CHRNA1: variants seen among roughly 807,000 people sequenced by gnomAD.
CHRNA1 encodes the protein cholinergic receptor nicotinic alpha 1 subunit, also known as acetylcholine receptor subunit alpha.
A neutral mutation model predicts 47.1 loss-of-function variants in CHRNA1; 35 were observed. That is an observed-to-expected ratio of 0.74 (90% CI 0.57 to 0.99). The LOEUF (loss-of-function observed/expected upper bound fraction) is 0.99. Among genes scored for constraint, CHRNA1 ranks in the 50% least tolerant of loss-of-function variants. The pLI, the probability that CHRNA1 is intolerant of heterozygous loss-of-function variation, is 0.00. For synonymous variants in CHRNA1, 229 were observed against 223.6 expected, an observed-to-expected ratio of 1.02 and a Z score of -0.22; for missense variants, 506 against 591.1, an observed-to-expected ratio of 0.86 and a Z score of 1.49.
rs1441469805 is a variant in CHRNA1, at chr2:174,753,880, T to C, written c.541-140A>G. On this transcript the variant is annotated intron_variant, in intron 5 of 8. Coordinates refer to ENST00000348749, the MANE Select transcript of CHRNA1 (RefSeq NM_000079.4). ...GGAGGGACTGTGGGACACTACTGCT[T>C]TGGGGTCTTAGATGCCTTTCCTATG... is the stretch of plus-strand genomic sequence containing the variant. 3.2e-5 allele frequency: 27 copies of C among 840,738 alleles called. No homozygotes were observed. In the East Asian group the frequency reaches 7.1e-4, roughly 22 times the overall value. 52.1% of individuals were successfully genotyped at this position (840,738 alleles called of 1,614,324 possible).
intron 4 of CHRNA1, among the ~76,000 whole-genome samples, chr2:174,756,437 G>A (rs1207134260): frequency 7.9e-5 from 12 of 152,088 alleles, no homozygotes; most frequent in African/African-American, 2.9e-4. Context: ...GGAAAACTAT[G>A]TGGCATTGGA....
intron 6 of CHRNA1, 68 bp downstream of exon 6, chr2:174,753,435 G>A: frequency 7.1e-7 from 1 of 1,418,292 alleles, no homozygotes; most frequent in South Asian, 1.1e-5. Flanking sequence ...GATTATTTCT[G>A]GCTTCCCCAA....
intron 4 of CHRNA1, 91 bp from the exon 5 acceptor site, chr2:174,754,505 TATTCAG>T: frequency 9.4e-7 from 1 of 1,068,696 alleles, no homozygotes; most frequent in East Asian, 2.4e-5. Flanking sequence ...AGCTGTTAAT[TATTCAG>T]GTGCTAATTA....
chr2:174,752,607 T>C (rs1337459178), intron 6 of CHRNA1: 1 of 152,236 alleles, frequency 6.6e-6, no homozygotes, highest in Non-Finnish European at 1.5e-5. Flanking sequence ...ATGCAGTCAC[T>C]GGAACATGCA....
Position 174,756,224 on chromosome 2 carries a change from C to T in CHRNA1, c.344+1342G>A, listed in dbSNP as rs116714081. On this transcript the variant is annotated intron_variant, in intron 4 of 8. Transcript: ENST00000348749. ...ATTTCTGCCGGCCTTATTCAGTGGA[C>T]TACTTACTCTTCCCGTAAACAGCAG... Among the ~76,000 whole-genome samples the T allele has an allele frequency of 6.5e-3, 987 of 152,264 alleles. 10 individuals carry two copies. Among genetic ancestry groups the T allele is most frequent in the African/African-American group, 0.023 (941 of 41,546 alleles).
chr2:174,753,182 A>G, intron 6 of CHRNA1: 1 of 585,716 alleles, frequency 1.7e-6, no homozygotes, highest in Admixed American at 2.9e-5. Flanking sequence ...CACATGCCTT[A>G]CCCAGTACAC....
chr2:174,758,052 G>C, intron 3 of CHRNA1: 1 of 1,613,910 alleles, frequency 6.2e-7, no homozygotes, highest in Non-Finnish European at 8.5e-7. Context: ...GAAAGACCTA[G>C]TGTGAACGTT....
rs373005571 is a variant in CHRNA1, at chr2:174,750,036, G to A, written c.912C>T (p.Phe304=). The stretch of plus-strand genomic sequence containing the variant: ...CAGTGATGATGATGGAGGCAATGAC[G>A]AACACCATGGTGAACAGCATGTATT... ...IGKYMLFTMV[F]VIASIIITVI... The change falls in exon 7 of 9, where the codon TTC becomes TTT. Residue 304 remains phenylalanine, a synonymous_variant. Transcript: ENST00000348749. 6.4e-5 allele frequency: 104 copies of A among 1,613,970 alleles called. No individual in the cohort carries two copies. The highest frequency in any genetic ancestry group is 8.1e-5 in the Non-Finnish European group (96 of 1,180,036).
chr2:174,764,286 T>C (rs746480449), intron 1 of CHRNA1, 66 bp downstream of exon 1: 46 of 1,534,880 alleles, frequency 3.0e-5, no homozygotes, highest in Non-Finnish European at 4.1e-5. Context: ...AGACTTTGAT[T>C]TGGGGGCCTC....
rs1280445493 is a variant in CHRNA1, at chr2:174,754,372, G to A, written c.387C>T (p.Leu129=). 3 of 1,614,130 alleles carry A rather than the reference G, an allele frequency of 1.9e-6. No homozygotes were observed. In the Admixed American group the frequency reaches 5.0e-5, roughly 27 times the overall value. ...ACGTGATGTGGCCAGTGTACTGCAGGAGCACTTTGGTGAACTTGACAATAG... is the reference window on the plus strand; with the variant it reads ...ACGTGATGTGGCCAGTGTACTGCAGAAGCACTTTGGTGAACTTGACAATAG... The part of the protein sequence containing the change: ...DFAIVKFTKV[L]LQYTGHITWT... Residue 129 remains leucine, a synonymous_variant, in exon 5 of 9, where the codon CTC becomes CTT. Transcript: ENST00000348749.
rs150110639 is a variant in CHRNA1 at position 174,749,993 on chromosome 2, G to A, written c.955C>T (p.His319Tyr). 9.9e-6 allele frequency: 16 copies of A among 1,614,044 alleles called. No homozygotes were observed. In the African/African-American group the frequency reaches 1.5e-4, roughly 15 times the overall value. ...IIITVIVINT[H>Y]HRSPSTHVMP... ...ACATGGGTGCTGGGTGAGCGGTGGT[G>A]TGTGTTGATGACGATGACAGTGATG... The change falls in exon 7 of 9, where the codon CAC becomes TAC. Residue 319 changes from histidine (H) to tyrosine (Y), a missense_variant. Transcript: ENST00000348749.
intron 3 of CHRNA1, chr2:174,758,030 C>A: frequency 6.2e-7 from 1 of 1,614,030 alleles, no homozygotes; most frequent in Non-Finnish European, 8.5e-7. Context: ...CCTGTCCACC[C>A]ACAGAAAAGG....
At chr2:174,762,612 T>C (rs1684120853) in intron 1 of CHRNA1, among the ~76,000 whole-genome samples, 1 of 152,162 alleles carries the variant, frequency 6.6e-6, no homozygotes, top group South Asian at 2.1e-4. Context: ...AGTTGGAAAG[T>C]GATATGCCGT....
chr2:174,764,328 C>G, intron 1 of CHRNA1, 24 bp downstream of exon 1: 1 of 1,611,112 alleles, frequency 6.2e-7, no homozygotes. Flanking sequence ...GAGCCCTCTC[C>G]CCACCCCTGA....
At chr2:174,754,481 C>A in intron 4 of CHRNA1, 67 bp from the exon 5 acceptor site, 1 of 1,394,246 alleles carries the variant, frequency 7.2e-7, no homozygotes, top group Non-Finnish European at 1.0e-6. Context: ...TGCTTGGGGA[C>A]GTTAACAGGA....
intron 3 of CHRNA1, 61 bp from the exon 4 acceptor site, chr2:174,757,736 A>C: frequency 7.0e-7 from 1 of 1,427,130 alleles, no homozygotes; most frequent in Non-Finnish European, 9.9e-7. Context: ...ATCTAAGGTT[A>C]TCAAGAGCCC....
rs199620699 is a variant in CHRNA1 at position 174,757,319 on chromosome 2, A to AT, written c.344+246dup. Among the ~76,000 whole-genome samples, 15,015 of 148,464 alleles carry AT rather than the reference A, an allele frequency of 0.1. 1,131 individuals carry two copies. The highest frequency in any genetic ancestry group is 0.22 in the South Asian group (1,020 of 4,728). On this transcript the variant is annotated intron_variant, in intron 4 of 8. Coordinates refer to ENST00000348749, the MANE Select transcript of CHRNA1 (RefSeq NM_000079.4). ...TCAACTTGGCTCTTGGTTTAGAGTG[A>AT]TTTTTTTTTTTAATTTTGTAGAGAT...
chr2:174,753,293 C>T, intron 6 of CHRNA1: 2 of 712,876 alleles, frequency 2.8e-6, no homozygotes, highest in South Asian at 1.6e-5. Flanking sequence ...TGTTCAACTC[C>T]CTGCCGCTCG....
rs1481576000 is a variant in CHRNA1 at position 174,753,699 on chromosome 2, C to G, written c.582G>C (p.Gly194=). Reference sequence around the variant, plus strand: ...CCCGGGACTCCTTGATCACCCACTCCCCGCTCTCCATGAAGTTGCTCAGGT... The same window carrying G: ...CCCGGGACTCCTTGATCACCCACTCGCCGCTCTCCATGAAGTTGCTCAGGT... ...QPDLSNFMES[G]EWVIKESRGW... The change falls in exon 6 of 9, where the codon GGG becomes GGC. Residue 194 remains glycine, a synonymous_variant. Coordinates refer to ENST00000348749, the MANE Select transcript of CHRNA1 (RefSeq NM_000079.4). The G allele has an allele frequency of 6.2e-7, 1 of 1,614,072 alleles. No homozygotes were observed. The highest frequency in any genetic ancestry group is 2.2e-5 in the East Asian group (1 of 44,866).
Sources: gnomAD v4.1 joint callset for allele counts (sites outside exome capture counted in the v4.1 genomes callset) on GRCh38, gnomAD v4.1.1 for gene constraint, MANE v1.5 for transcripts, NCBI Gene and HGNC (gene_info 2026-07-23, HGNC 2026-07-21) for gene names.